PRMT3: variants seen among roughly 807,000 people sequenced by gnomAD.
PRMT3 encodes the protein protein arginine methyltransferase 3.
In PRMT3, 62 loss-of-function variants were observed where a neutral mutation model predicts 71.9. The ratio of observed to expected loss-of-function variants is 0.86; its 90% CI spans 0.70 to 1.07. PRMT3 has a LOEUF of 1.07. Among genes scored for constraint, PRMT3 ranks in the 50% least tolerant of loss-of-function variants. The pLI is 0.00. For synonymous variants in PRMT3, 213 were observed against 220.4 expected, an observed-to-expected ratio of 0.97 and a Z score of 0.30; for missense variants, 663 against 643.0, an observed-to-expected ratio of 1.03 and a Z score of -0.34.
intron 10 of PRMT3, among the ~76,000 whole-genome samples, chr11:20,442,399 C>A (rs1353962949): frequency 1.3e-5 from 2 of 151,744 alleles, no homozygotes; most frequent in African/African-American, 4.8e-5. Context: ...TTTTTATGTA[C>A]ATTTTAAGAT....
At chr11:20,483,033 C>CATTTCAGAAAATAGGGTAT (rs1850979895) in intron 13 of PRMT3, among the ~76,000 whole-genome samples, 1 of 151,954 alleles carries the variant, frequency 6.6e-6, no homozygotes, top group Non-Finnish European at 1.5e-5. Context: ...AAAAACTATT[C>CATTTCAGAAAATAGGGTAT]ATTTCAGAAA....
chr11:20,437,145 G>A (rs1385996925), intron 10 of PRMT3, among the ~76,000 whole-genome samples: 4 of 151,312 alleles, frequency 2.6e-5, no homozygotes, highest in Non-Finnish European at 5.9e-5. Flanking sequence ...ATTTATTTTG[G>A]TGTTTTCTCT....
At chr11:20,421,450 T>C (rs1396259463) in intron 9 of PRMT3, among the ~76,000 whole-genome samples, 5 of 152,174 alleles carry the variant, frequency 3.3e-5, no homozygotes, top group African/African-American at 1.2e-4. Context: ...CTGTGACTCA[T>C]GGGTCAGCTG....
intron 10 of PRMT3, 71 bp from the exon 11 acceptor site, chr11:20,452,059 A>C (rs1850161653): frequency 1.0e-5 from 11 of 1,054,454 alleles, no homozygotes; most frequent in South Asian, 3.3e-5. Flanking sequence ...AGTAGCACCG[A>C]TGTTTAAATT....
chr11:20,399,406 G>A (rs555426053), intron 7 of PRMT3, among the ~76,000 whole-genome samples: 8 of 152,222 alleles, frequency 5.3e-5, no homozygotes, highest in South Asian at 4.1e-4. Context: ...TTGTTGTCAC[G>A]TAGGTAATGG....
chr11:20,392,109 C>A, intron 3 of PRMT3, 102 bp from the exon 4 acceptor site: 1 of 1,146,584 alleles, frequency 8.7e-7, no homozygotes. Flanking sequence ...ATTTAGAGGT[C>A]AGAATTATTT....
chr11:20,493,062 G>A (rs10833337), intron 13 of PRMT3, among the ~76,000 whole-genome samples: 119,997 of 151,768 alleles, frequency 0.79, 48,953 homozygotes, highest in Non-Finnish European at 0.91. Flanking sequence ...CAGGAGAATC[G>A]CTTGAACCCA....
At chr11:20,463,760 C>T (rs891541397) in intron 12 of PRMT3, among the ~76,000 whole-genome samples, 3 of 152,054 alleles carry the variant, frequency 2.0e-5, no homozygotes, top group Admixed American at 6.5e-5. Context: ...CAGCTGATGA[C>T]GGTCTTTACA....
chr11:20,393,187 G>A (rs1337985445), intron 5 of PRMT3, among the ~76,000 whole-genome samples, 188 bp downstream of exon 5: 2 of 152,180 alleles, frequency 1.3e-5, no homozygotes, highest in Non-Finnish European at 2.9e-5. Flanking sequence ...GGCGGCTCAC[G>A]CCTGTAATCC....
intron 7 of PRMT3, among the ~76,000 whole-genome samples, chr11:20,399,527 T>G (rs1304788040): frequency 6.6e-6 from 1 of 152,170 alleles, no homozygotes; most frequent in Non-Finnish European, 1.5e-5. Flanking sequence ...TAAAATTAAT[T>G]TTTTTATGTT....
intron 10 of PRMT3, among the ~76,000 whole-genome samples, chr11:20,450,153 A>G (rs1233299560): frequency 6.6e-6 from 1 of 152,180 alleles, no homozygotes; most frequent in African/African-American, 2.4e-5. Context: ...GCCTTTGTCC[A>G]AAAAGGATTG....
chr11:20,500,282 T>C (rs1851427713), intron 15 of PRMT3, among the ~76,000 whole-genome samples: 1 of 152,338 alleles, frequency 6.6e-6, no homozygotes, highest in Non-Finnish European at 1.5e-5. Flanking sequence ...TGGAGAGATA[T>C]ACTCTGAATT....
chr11:20,461,953 A>C, intron 11 of PRMT3, 27 bp from the exon 12 acceptor site: 1 of 1,487,132 alleles, frequency 6.7e-7, no homozygotes, highest in Non-Finnish European at 9.0e-7. Flanking sequence ...GATAATGCTT[A>C]ATTGTTGGGC....
intron 13 of PRMT3, among the ~76,000 whole-genome samples, chr11:20,482,448 C>G (rs1428241393): frequency 6.6e-6 from 1 of 152,026 alleles, no homozygotes; most frequent in African/African-American, 2.4e-5. Flanking sequence ...ACTAGAATAT[C>G]TATCTGAAGT....
chr11:20,388,213 G>C, intron 2 of PRMT3, 59 bp downstream of exon 2: 5 of 1,606,752 alleles, frequency 3.1e-6, no homozygotes, highest in Middle Eastern at 1.7e-4. Flanking sequence ...TGGGGTCTGT[G>C]TGCCCAGGAA....
At chr11:20,420,925 TTATGTTTATG>T (rs1406488261) in intron 9 of PRMT3, among the ~76,000 whole-genome samples, 1 of 152,230 alleles carries the variant, frequency 6.6e-6, no homozygotes, top group Non-Finnish European at 1.5e-5. Flanking sequence ...AAAACTGTTT[TTATGTTTATG>T]TATGTTTATG....
At chr11:20,472,128 G>A (rs905944805) in intron 13 of PRMT3, among the ~76,000 whole-genome samples, 5 of 152,072 alleles carry the variant, frequency 3.3e-5, no homozygotes, top group Non-Finnish European at 5.9e-5. Context: ...CTAGATACAG[G>A]ATCATGTCAT....
At chr11:20,499,565 TGTGGTGAGC>T (rs1227744561) in intron 15 of PRMT3, among the ~76,000 whole-genome samples, 3 of 152,096 alleles carry the variant, frequency 2.0e-5, no homozygotes, top group Non-Finnish European at 4.4e-5. Context: ...AGGTCCAGGC[TGTGGTGAGC>T]TATGATTGCA....
At chr11:20,464,412 TTG>T in intron 12 of PRMT3, 46 bp from the exon 13 acceptor site, 1 of 1,534,856 alleles carries the variant, frequency 6.5e-7, no homozygotes, top group Non-Finnish European at 8.7e-7. Flanking sequence ...TTTTTTTTTT[TTG>T]GACTATTTTT....
Sources: gnomAD v4.1 joint callset for allele counts (sites outside exome capture counted in the v4.1 genomes callset) on GRCh38, gnomAD v4.1.1 for gene constraint, MANE v1.5 for transcripts, NCBI Gene and HGNC (gene_info 2026-07-23, HGNC 2026-07-21) for gene names.